The following SLC30A6 variants were observed in gnomAD, a reference collection of about 807,000 sequenced individuals.
SLC30A6 encodes zinc transporter 6.
A neutral mutation model predicts 63.0 loss-of-function variants in SLC30A6; 55 were observed. The observed-to-expected ratio is 0.87, with a 90% confidence interval of 0.70 to 1.09. The LOEUF (loss-of-function observed/expected upper bound fraction) is 1.09. Among genes scored for constraint, SLC30A6 ranks in the 50% least tolerant of loss-of-function variants. The pLI is 0.00. For missense variants in SLC30A6, 587 were observed against 549.2 expected, an observed-to-expected ratio of 1.07 and a Z score of -0.69; for synonymous variants, 224 against 186.1, an observed-to-expected ratio of 1.20 and a Z score of -1.66.
At chr2:32,213,347 G>C (rs1380102583) in intron 13 of SLC30A6, among the ~76,000 whole-genome samples, 1 of 142,002 alleles carries the variant, frequency 7.0e-6, no homozygotes, top group East Asian at 2.0e-4. Context: ...GGTTACTTTC[G>C]AGACTCATAG....
intron 10 of SLC30A6, 85 bp from the exon 11 acceptor site, chr2:32,204,505 T>G (rs550254659): frequency 1.2e-6 from 1 of 817,254 alleles, no homozygotes; most frequent in African/African-American, 1.7e-5. Flanking sequence ...TCCTGTTGCT[T>G]TAGATAATTA....
Position 32,223,089 on chromosome 2 carries a change from T to A in SLC30A6, c.*2376T>A, listed in dbSNP as rs1038637104. 25 of 152,206 alleles carry A rather than the reference T, an allele frequency of 1.6e-4. No individual in the cohort carries two copies. The highest frequency in any genetic ancestry group is 6.0e-4 in the African/African-American group (25 of 41,446). The allele number at this position is 152,206 out of a possible 1,614,324, so 9.4% of individuals were successfully genotyped here. A position where few individuals can be genotyped will look rare whatever the true frequency, so the allele number is the denominator to read the frequency against. ...AAGAATTGGCCCTACGTCCTGCATG[T>A]AAGATGTTACAGGGGACATTGGGCC... is the stretch of plus-strand genomic sequence containing the variant. On this transcript the variant is annotated 3_prime_UTR_variant, in exon 14 of 14. Transcript: ENST00000282587.
At position 32,220,821 on chromosome 2, in the gene SLC30A6, A is replaced by C; in HGVS notation, c.*108A>C. 4.0e-6 allele frequency: 4 copies of C among 993,086 alleles called. No individual in the cohort carries two copies. In the South Asian group the frequency reaches 6.9e-5, roughly 17 times the overall value. The allele number at this position is 993,086 out of a possible 1,614,324, so 61.5% of individuals were successfully genotyped here. On this transcript the variant is annotated 3_prime_UTR_variant, in exon 14 of 14. Coordinates refer to ENST00000282587, the MANE Select transcript of SLC30A6 (RefSeq NM_017964.5). ...AATCATTTACTCTAAATGTTAGATA[A>C]TAGTAGTCTTGTTCACATTTCATGA...
rs1246991610 is a variant in SLC30A6, at chr2:32,222,492, A to G, written c.*1779A>G. ...TTTTTCTTCACTGTGGATTAAAAAC[A>G]TCCAAGAAGCCATCTCTGTCAAGCA... On this transcript the variant is annotated 3_prime_UTR_variant, in exon 14 of 14. Coordinates refer to ENST00000282587, the MANE Select transcript of SLC30A6 (RefSeq NM_017964.5). 1 of 152,190 alleles carries G rather than the reference A, an allele frequency of 6.6e-6. No individual in the cohort carries two copies. Among genetic ancestry groups the G allele is most frequent in the Non-Finnish European group, 1.5e-5 (1 of 68,048 alleles). 9.4% of individuals were successfully genotyped at this position (152,190 alleles called of 1,614,324 possible). A position where few individuals can be genotyped will look rare whatever the true frequency, so the allele number is the denominator to read the frequency against.
rs535273396 is a variant in SLC30A6 at position 32,176,631 on chromosome 2, C to T, written c.218+1270C>T. On this transcript the variant is annotated intron_variant, in intron 4 of 13. Coordinates refer to ENST00000282587, the MANE Select transcript of SLC30A6 (RefSeq NM_017964.5). ...TGAGATCGCAGCACTGCACTCCAGC[C>T]TGGGCGACAGAGTGAGATTCCATCT... 2.7e-5 allele frequency among the ~76,000 whole-genome samples: 4 copies of T among 150,252 alleles called. No individual in the cohort carries two copies. In the South Asian group the frequency reaches 6.3e-4, roughly 24 times the overall value.
chr2:32,173,431 T>TG (rs1309393898), intron 2 of SLC30A6, among the ~76,000 whole-genome samples: 1 of 151,682 alleles, frequency 6.6e-6, no homozygotes, highest in African/African-American at 2.4e-5. Context: ...TGGAGTGCAG[T>TG]GGCACAATCT....
chr2:32,172,884 C>G (rs1259662916), intron 2 of SLC30A6, among the ~76,000 whole-genome samples: 1 of 152,174 alleles, frequency 6.6e-6, no homozygotes, highest in African/African-American at 2.4e-5. Context: ...TCCTGTTTCA[C>G]CAAGGGAAAA....
chr2:32,204,575 G>A lies in SLC30A6; in HGVS notation c.666-15G>A, dbSNP rs1305269606. ...AGATATAAATTTAAAATTTAGAATTGTTTTTTCCTTTTAGTAATTATTTTG... is the reference window on the plus strand; with the variant it reads ...AGATATAAATTTAAAATTTAGAATTATTTTTTCCTTTTAGTAATTATTTTG... On this transcript the variant is annotated splice_polypyrimidine_tract_variant and intron_variant, in intron 10 of 13. Transcript: ENST00000282587. 3 of 1,574,472 alleles carry A rather than the reference G, an allele frequency of 1.9e-6. No homozygotes were observed. The highest frequency in any genetic ancestry group is 2.6e-6 in the Non-Finnish European group (3 of 1,147,336).
chr2:32,198,910 A>T (rs1449466105), intron 10 of SLC30A6, among the ~76,000 whole-genome samples: 1 of 152,142 alleles, frequency 6.6e-6, no homozygotes, highest in Non-Finnish European at 1.5e-5. Flanking sequence ...CATTGCATGC[A>T]GCCATTACCA....
At chr2:32,193,803 A>G (rs1159912575) in intron 7 of SLC30A6, 86 bp from the exon 8 acceptor site, 3 of 1,037,582 alleles carry the variant, frequency 2.9e-6, no homozygotes, top group African/African-American at 3.2e-5. Context: ...TTACCTTCCC[A>G]CCTCTTAGTC....
chr2:32,193,034 C>A, intron 7 of SLC30A6, 81 bp downstream of exon 7: 1 of 888,582 alleles, frequency 1.1e-6, no homozygotes, highest in Non-Finnish European at 1.7e-6. Context: ...TGGCCAATGT[C>A]AGATTTCAGA....
At chr2:32,176,489 T>C (rs1341388839) in intron 4 of SLC30A6, among the ~76,000 whole-genome samples, 1 of 151,770 alleles carries the variant, frequency 6.6e-6, no homozygotes, top group African/African-American at 2.4e-5. Flanking sequence ...AAACCCCGTC[T>C]CTACTAAAAA....
chr2:32,201,792 G>T, intron 10 of SLC30A6: 2 of 1,363,776 alleles, frequency 1.5e-6, no homozygotes, highest in South Asian at 2.4e-5. Flanking sequence ...ACATTACACA[G>T]TGCTGGAGTG....
chr2:32,187,202 A>G (rs763053451), intron 5 of SLC30A6: 120 of 470,876 alleles, frequency 2.5e-4, no homozygotes, highest in Non-Finnish European at 3.0e-4. Context: ...ACTTTTCTCC[A>G]CCAATCCGAA....
chr2:32,204,334 AT>A (rs1315273247), intron 10 of SLC30A6, among the ~76,000 whole-genome samples: 2 of 152,004 alleles, frequency 1.3e-5, no homozygotes, highest in African/African-American at 4.8e-5. Context: ...AAATGTCCAC[AT>A]TTTTTTTCAT....
At chr2:32,170,021 T>C (rs1235872595) in intron 1 of SLC30A6, among the ~76,000 whole-genome samples, 3 of 152,216 alleles carry the variant, frequency 2.0e-5, no homozygotes, top group Non-Finnish European at 2.9e-5. Context: ...TTGTGAATTA[T>C]AGTTTTTTTT....
chr2:32,214,140 T>C (rs1685505529), intron 13 of SLC30A6, among the ~76,000 whole-genome samples: 1 of 152,102 alleles, frequency 6.6e-6, no homozygotes, highest in African/African-American at 2.4e-5. Flanking sequence ...TTTCACTGTG[T>C]TGGCCAGGCT....
chr2:32,202,055 G>C (rs372998305), intron 10 of SLC30A6: 8 of 916,560 alleles, frequency 8.7e-6, no homozygotes, highest in South Asian at 6.3e-5. Flanking sequence ...TCCTTAGATA[G>C]TTCTACTCAT....
At chr2:32,208,026 G>T (rs978719044) in intron 12 of SLC30A6, among the ~76,000 whole-genome samples, 1 of 151,462 alleles carries the variant, frequency 6.6e-6, no homozygotes, top group East Asian at 2.0e-4. Flanking sequence ...TAGAGACGGG[G>T]TTTCACCATG....
Sources: gnomAD v4.1 joint callset for allele counts (sites outside exome capture counted in the v4.1 genomes callset) on GRCh38, gnomAD v4.1.1 for gene constraint, MANE v1.5 for transcripts, NCBI Gene and HGNC (gene_info 2026-07-23, HGNC 2026-07-21) for gene names.